The following MCOLN3 variants were observed in gnomAD, a reference collection of about 807,000 sequenced individuals.
MCOLN3 encodes the protein mucolipin TRP cation channel 3.
A neutral mutation model predicts 69.4 loss-of-function variants in MCOLN3; 62 were observed. The observed-to-expected ratio is 0.89, with a 90% CI of 0.73 to 1.10. The LOEUF is 1.10. Among genes scored for constraint, MCOLN3 ranks in the 50% least tolerant of loss-of-function variants. The pLI, the probability that MCOLN3 is intolerant of heterozygous loss-of-function variation, is 0.00. For missense variants in MCOLN3, 564 were observed against 656.4 expected (o/e 0.86, Z 1.54); for synonymous variants, 183 against 217.0 (o/e 0.84, Z 1.38).
chr1:85,040,465 A>G lies in MCOLN3; in HGVS notation c.396+545T>C, dbSNP rs566095013. On this transcript the variant is annotated intron_variant, in intron 3 of 12. Coordinates refer to ENST00000370589, the MANE Select transcript of MCOLN3 (RefSeq NM_018298.11). ...AATATATTATTTCTGGCAAAAATAT[A>G]TATTACAAACTCAGAATAAAATACA... Among the ~76,000 whole-genome samples, 7 of 152,342 alleles carry G rather than the reference A, an allele frequency of 4.6e-5. No individual in the cohort carries two copies. In the South Asian group the frequency reaches 1.4e-3, roughly 32 times the overall value.
chr1:85,021,264 T>G lies in MCOLN3; in HGVS notation c.1333A>C (p.Asn445His), dbSNP rs758810760. Residue 445 changes from asparagine (N) to histidine (H), a missense_variant, in exon 12 of 13, where the codon AAC becomes CAC. By Grantham distance (68) the Asn-to-His change is moderately conservative. Coordinates refer to ENST00000370589, the MANE Select transcript of MCOLN3 (RefSeq NM_018298.11). ...GAGAAAAGGCACTCAGAGACCATGT[T>G]CAGAGAACGAAACTGGAAAAAGAAA... Reference protein sequence around the residue: ...GPYHDKFRSLNMVSECLFSLI... With the variant: ...GPYHDKFRSLHMVSECLFSLI... The G allele has an allele frequency of 2.5e-6, 4 of 1,609,396 alleles. No homozygotes were observed. In the Admixed American group the frequency reaches 6.8e-5, roughly 27 times the overall value.
chr1:85,028,242 T>C (rs1003872179), intron 7 of MCOLN3, among the ~76,000 whole-genome samples: 1 of 152,252 alleles, frequency 6.6e-6, no homozygotes, highest in Non-Finnish European at 1.5e-5. Context: ...TTATTTACTC[T>C]ATCTCATTAT....
Position 85,021,177 on chromosome 1 carries a change from C to G in MCOLN3, c.1420G>C (p.Val474Leu). The change falls in exon 12 of 13, where the codon GTC becomes CTC. Residue 474 changes from valine to leucine, a missense_variant. Coordinates refer to ENST00000370589, the MANE Select transcript of MCOLN3 (RefSeq NM_018298.11). ...AGGTAAATTCTACTAAACAGCCAGACTAAGTAACTTTTTTGCTGCATTTTT... is the reference window on the plus strand; with the variant it reads ...AGGTAAATTCTACTAAACAGCCAGAGTAAGTAACTTTTTTGCTGCATTTTT... ...FAKMQQKSYL[V>L]WLFSRIYLYS... 6.2e-7 allele frequency: 1 copy of G among 1,613,776 alleles called. No homozygotes were observed. Among genetic ancestry groups the G allele is most frequent in the South Asian group, 1.1e-5 (1 of 91,062 alleles).
At chr1:85,021,326 T>C in intron 11 of MCOLN3, 50 bp from the exon 12 acceptor site, 1 of 1,458,240 alleles carries the variant, frequency 6.9e-7, no homozygotes, top group African/African-American at 1.4e-5. Context: ...TCCTTCCCAT[T>C]GGAGACCTTT....
chr1:85,021,269 G>T lies in MCOLN3; in HGVS notation c.1328C>A (p.Ser443Tyr). The T allele has an allele frequency of 6.2e-7, 1 of 1,606,144 alleles. No homozygotes were observed. Among genetic ancestry groups the T allele is most frequent in the South Asian group, 1.1e-5 (1 of 88,724 alleles). The change falls in exon 12 of 13, where the codon TCT (serine) becomes TAT (tyrosine). Residue 443 changes from serine (S) to tyrosine (Y), a missense_variant. Ser to Tyr is a moderately radical substitution (Grantham distance 144). Transcript: ENST00000370589. Reference protein sequence around the residue: ...VLGPYHDKFRSLNMVSECLFS... With the variant: ...VLGPYHDKFRYLNMVSECLFS... ...AAGGCACTCAGAGACCATGTTCAGA[G>T]AACGAAACTGGAAAAAGAAAAGAGA...
intron 4 of MCOLN3, among the ~76,000 whole-genome samples, chr1:85,033,200 A>G (rs528379950): frequency 6.6e-6 from 1 of 152,134 alleles, no homozygotes; most frequent in Non-Finnish European, 1.5e-5. Flanking sequence ...TCTGAACTCT[A>G]TTTCATTAAT....
At chr1:85,034,741 C>A (rs1427976045) in intron 3 of MCOLN3, among the ~76,000 whole-genome samples, 1 of 152,074 alleles carries the variant, frequency 6.6e-6, no homozygotes, top group Non-Finnish European at 1.5e-5. Flanking sequence ...ATTTAATCAC[C>A]TTTATACCAA....
At chr1:85,031,269 C>CAAAA (rs60048551) in intron 6 of MCOLN3, among the ~76,000 whole-genome samples, 23 of 97,560 alleles carry the variant, frequency 2.4e-4, no homozygotes, top group African/African-American at 7.8e-4. Flanking sequence ...GAATCCATCT[C>CAAAA]AAAAAAAAAA....
intron 7 of MCOLN3, among the ~76,000 whole-genome samples, chr1:85,027,036 G>A (rs764673422): frequency 1.4e-4 from 21 of 151,854 alleles, no homozygotes; most frequent in African/African-American, 4.1e-4. Flanking sequence ...TTACAGACAT[G>A]AGCCACCATG....
chr1:85,034,469 T>C (rs1473181025), intron 3 of MCOLN3, among the ~76,000 whole-genome samples: 1 of 152,234 alleles, frequency 6.6e-6, no homozygotes, highest in East Asian at 1.9e-4. Context: ...TGTGACAAAC[T>C]TTCTGACCTT....
At chr1:85,030,318 A>G (rs548031393) in intron 6 of MCOLN3, among the ~76,000 whole-genome samples, 1 of 152,404 alleles carries the variant, frequency 6.6e-6, no homozygotes, top group East Asian at 1.9e-4. Context: ...ACATCTCAGT[A>G]AACTGAATCC....
intron 3 of MCOLN3, 72 bp from the exon 4 acceptor site, chr1:85,034,323 T>A (rs1652698898): frequency 1.3e-6 from 2 of 1,491,636 alleles, no homozygotes; most frequent in Non-Finnish European, 1.9e-6. Context: ...CTCCCCTCCC[T>A]CCCCACCTCT....
chr1:85,042,454 T>C (rs1263167012), intron 2 of MCOLN3, among the ~76,000 whole-genome samples: 1 of 152,252 alleles, frequency 6.6e-6, no homozygotes, highest in East Asian at 1.9e-4. Context: ...TCTTTAATTG[T>C]CCTCAATAAG....
At chr1:85,032,848 T>C in intron 5 of MCOLN3, 24 bp downstream of exon 5, 1 of 1,613,744 alleles carries the variant, frequency 6.2e-7, no homozygotes, top group Non-Finnish European at 8.5e-7. Context: ...AAACGTAAGT[T>C]ACACTCCTGT....
intron 6 of MCOLN3, chr1:85,029,820 C>T (rs1418311298): frequency 6.6e-6 from 1 of 152,194 alleles, no homozygotes; most frequent in South Asian, 2.1e-4. Flanking sequence ...GGCCAGAACA[C>T]CTTCCATAGT....
rs572944983 is a variant in MCOLN3 at position 85,018,749 on chromosome 1, C to T, written c.*374G>A. On this transcript the variant is annotated 3_prime_UTR_variant, in exon 13 of 13. Transcript: ENST00000370589. ...GTCCAAGCCAGGGTTACTGAGTTGT[C>T]CAAAGTCACAGTCAGACCAAGGATT... 1 of 174,486 alleles carries T rather than the reference C, an allele frequency of 5.7e-6. No individual in the cohort carries two copies. The highest frequency in any genetic ancestry group is 1.7e-4 in the East Asian group (1 of 5,824). The allele number at this position is 174,486 out of a possible 1,614,324, so 10.8% of individuals were successfully genotyped here.
At chr1:85,048,373 G>A (rs995759008) in intron 1 of MCOLN3, 23 bp downstream of exon 1, 2 of 151,802 alleles carry the variant, frequency 1.3e-5, no homozygotes, top group Non-Finnish European at 2.9e-5. Flanking sequence ...CCGACGCCCC[G>A]GGGCAGCGCC....
In MCOLN3 at chr1:85,029,153, T is replaced by C. The variant is rs148257730; in HGVS notation, c.785A>G (p.Asn262Ser). 1.4e-5 allele frequency: 23 copies of C among 1,607,170 alleles called. No homozygotes were observed. The highest frequency in any genetic ancestry group is 1.3e-4 in the African/African-American group (10 of 74,902). Residue 262 changes from asparagine (N) to serine (S), a missense_variant, in exon 7 of 13, where the codon AAT becomes AGT. Physicochemically the swap from Asn to Ser is conservative, Grantham distance 46. Transcript: ENST00000370589. ...TTTACATTCTCTGATGGAAATGTCA[T>C]TATCTAAACTTATTTTAATTCTTCC... Reference protein sequence around the residue: ...HSGRIKISLDNDISIRECKDW... With the variant: ...HSGRIKISLDSDISIRECKDW...
intron 12 of MCOLN3, among the ~76,000 whole-genome samples, chr1:85,020,658 A>G (rs922385960): frequency 3.3e-5 from 5 of 152,196 alleles, no homozygotes; most frequent in African/African-American, 1.2e-4. Context: ...GTTACAGTAC[A>G]CTCAAAACAA....
Sources: gnomAD v4.1 joint callset for allele counts (sites outside exome capture counted in the v4.1 genomes callset) on GRCh38, gnomAD v4.1.1 for gene constraint, MANE v1.5 for transcripts, NCBI Gene and HGNC (gene_info 2026-07-23, HGNC 2026-07-21) for gene names.